The following DMD variants were observed in gnomAD, a reference collection of about 807,000 sequenced individuals.
DMD encodes the protein mutant dystrophin.
Under a neutral mutation model 330.1 loss-of-function variants are expected in DMD, and 63 were observed. The observed-to-expected ratio is 0.19, with a 90% CI of 0.16 to 0.24. The LOEUF is 0.24. Ranked by LOEUF, DMD falls within the 10% of genes least tolerant of loss-of-function variation. DMD has a pLI of 1.00. For missense variants in DMD, 3,344 were observed against 2,684.1 expected (o/e 1.25, Z -5.43); for synonymous variants, 1,223 against 959.8 (o/e 1.27, Z -5.07).
At chrX:31,509,628 A>C (rs1215614974) in intron 55 of DMD, among the ~76,000 whole-genome samples, 1 of 112,194 alleles carries the variant, frequency 8.9e-6, no homozygotes, top group Non-Finnish European at 1.9e-5. Context: ...AAGGTTATGT[A>C]TACCATGAAG....
intron 7 of DMD, among the ~76,000 whole-genome samples, chrX:32,782,750 A>C (rs1483040982): frequency 9.1e-6 from 1 of 109,943 alleles, no homozygotes; most frequent in Non-Finnish European, 1.9e-5. Context: ...AAATAACTTC[A>C]AGAGTGTAAT....
chrX:32,729,934 T>C (rs1208794580), intron 7 of DMD, among the ~76,000 whole-genome samples: 4 of 112,246 alleles, frequency 3.6e-5, no homozygotes, highest in East Asian at 5.6e-4. Context: ...CTGCTCTATA[T>C]GACCATGGTC....
intron 11 of DMD, among the ~76,000 whole-genome samples, chrX:32,631,153 A>C (rs5928056): frequency 0.047 from 5,217 of 111,423 alleles, 113 homozygotes; most frequent in Middle Eastern, 0.093. Context: ...CCTGGTAGAT[A>C]ATCTTTTTCT....
At chrX:32,741,152 G>T (rs373043931) in intron 7 of DMD, among the ~76,000 whole-genome samples, 7 of 111,296 alleles carry the variant, frequency 6.3e-5, no homozygotes, top group East Asian at 2.8e-4. Context: ...TCATAATAAC[G>T]CAAGAAAAAT....
At chrX:31,248,225 T>C (rs2049013765) in intron 63 of DMD, among the ~76,000 whole-genome samples, 1 of 112,745 alleles carries the variant, frequency 8.9e-6, no homozygotes, top group South Asian at 3.7e-4. Flanking sequence ...TTATATGTAC[T>C]AGAAAACCAA....
intron 9 of DMD, among the ~76,000 whole-genome samples, chrX:32,695,595 T>C (rs1195155999): frequency 1.8e-5 from 2 of 111,222 alleles, no homozygotes; most frequent in African/African-American, 3.3e-5. Context: ...CTTGGAGACA[T>C]ACTAGGTTTG....
intron 44 of DMD, among the ~76,000 whole-genome samples, chrX:32,110,384 A>C (rs923431690): frequency 8.9e-6 from 1 of 112,136 alleles, no homozygotes; most frequent in Non-Finnish European, 1.9e-5. Context: ...AAAAAGAATG[A>C]GAATGAGACA....
chrX:32,299,082 A>G (rs2097510135), intron 42 of DMD, among the ~76,000 whole-genome samples: 1 of 110,498 alleles, frequency 9.0e-6, no homozygotes, highest in Non-Finnish European at 1.9e-5. Context: ...CACATTTTGC[A>G]CTAACACAGG....
chrX:31,341,883 G>GCACACA (rs1556527128), intron 61 of DMD, among the ~76,000 whole-genome samples: 9 of 53,397 alleles, frequency 1.7e-4, no homozygotes, highest in Non-Finnish European at 2.9e-4. Flanking sequence ...GCGCGTGCGT[G>GCACACA]CGCGCGCGCA....
chrX:32,955,168 C>A (rs548947955), intron 2 of DMD, among the ~76,000 whole-genome samples: 2 of 111,842 alleles, frequency 1.8e-5, no homozygotes, highest in African/African-American at 3.3e-5. Context: ...ACAATGTATA[C>A]GTGCTCCTTT....
intron 9 of DMD, among the ~76,000 whole-genome samples, chrX:32,646,158 G>C (rs2059771388): frequency 8.9e-6 from 1 of 111,761 alleles, no homozygotes; most frequent in African/African-American, 3.3e-5. Flanking sequence ...CCATATGTTT[G>C]CAGAGATTTG....
intron 1 of DMD, among the ~76,000 whole-genome samples, chrX:33,328,239 T>C (rs752032416): frequency 1.8e-5 from 2 of 111,690 alleles, no homozygotes; most frequent in African/African-American, 6.5e-5. Context: ...AATCTCACTC[T>C]GTCACCCAGG....
At chrX:32,680,771 C>T (rs1403085388) in intron 9 of DMD, among the ~76,000 whole-genome samples, 1 of 109,899 alleles carries the variant, frequency 9.1e-6, no homozygotes, top group Non-Finnish European at 1.9e-5. Context: ...CTCCTTCCAC[C>T]CACCCCAACC....
intron 67 of DMD, among the ~76,000 whole-genome samples, chrX:31,191,588 T>C (rs1015636010): frequency 2.1e-4 from 23 of 111,441 alleles, no homozygotes; most frequent in African/African-American, 6.8e-4. Flanking sequence ...GGAGTTTCTC[T>C]GCACAAGCTC....
chrX:31,764,530 A>G (rs2089860776), intron 51 of DMD, among the ~76,000 whole-genome samples: 1 of 112,103 alleles, frequency 8.9e-6, no homozygotes, highest in African/African-American at 3.2e-5. Flanking sequence ...TGGGATTAAG[A>G]GTAAATTACT....
intron 63 of DMD, among the ~76,000 whole-genome samples, chrX:31,252,698 CAAAT>C (rs35747302): frequency 0.23 from 25,413 of 111,501 alleles, 2,504 homozygotes; most frequent in East Asian, 0.42. Context: ...AAGTGCTACA[CAAAT>C]AAAGTACAAT....
intron 16 of DMD, among the ~76,000 whole-genome samples, chrX:32,562,318 T>G (rs1185449058): frequency 8.9e-6 from 1 of 112,821 alleles, no homozygotes; most frequent in Non-Finnish European, 1.9e-5. Flanking sequence ...GAGTTTGAAA[T>G]GCAAGAGAGC....
intron 53 of DMD, among the ~76,000 whole-genome samples, chrX:31,666,968 T>C (rs758564998): frequency 6.2e-5 from 7 of 112,463 alleles, no homozygotes; most frequent in African/African-American, 1.9e-4. Context: ...CATGCAGATA[T>C]ACTTTTTAAC....
intron 50 of DMD, among the ~76,000 whole-genome samples, chrX:31,804,150 A>G (rs2149360839): frequency 9.0e-6 from 1 of 111,487 alleles, no homozygotes; most frequent in African/African-American, 3.3e-5. Context: ...ATGCTCAGTT[A>G]CCTCAGTGGC....
Sources: allele counts gnomAD v4.1 joint callset (sites outside exome capture counted in the v4.1 genomes callset), GRCh38; gene constraint gnomAD v4.1.1; transcripts MANE v1.5; gene names NCBI Gene and HGNC (gene_info 2026-07-23, HGNC 2026-07-21).